PLEKHG1: variants seen among roughly 807,000 people sequenced by gnomAD.
PLEKHG1 encodes the protein pleckstrin homology domain-containing family G member 1.
In PLEKHG1, 44 loss-of-function variants were observed where a neutral mutation model predicts 100.8. The observed-to-expected ratio is 0.44, with a 90% confidence interval of 0.34 to 0.56. The LOEUF (loss-of-function observed/expected upper bound fraction) is 0.56, where lower values mean the gene tolerates loss of function less well. Among genes scored for constraint, PLEKHG1 ranks in the 20% least tolerant of loss-of-function variants. The pLI is 0.01. For missense variants in PLEKHG1, 1,545 were observed against 1,720.9 expected (o/e 0.90, Z 1.81); for synonymous variants, 640 against 662.5 (o/e 0.97, Z 0.52).
chr6:150,734,013 T>A, exon 2 of PLEKHG1: 1 of 1,614,104 alleles, frequency 6.2e-7, no homozygotes, highest in Non-Finnish European at 8.5e-7. Flanking sequence ...AGCCCCAAGC[T>A]CCTCTATGTG....
Position 150,728,818 on chromosome 6 carries a change from C to T in PLEKHG1, c.-98-4766C>T, listed in dbSNP as rs541409401. On this transcript the variant is annotated intron_variant, in intron 1 of 15. Transcript: ENST00000358517. ...GGCTGAGGCAGGAGAATTGCTTGAA[C>T]CCAGGAGGTGGAGGTTGCAGTGAGC... 1.5e-3 allele frequency among the ~76,000 whole-genome samples: 231 copies of T among 151,874 alleles called. No individual in the cohort carries two copies. The Middle Eastern group carries it at 0.024, about 16-fold the overall frequency.
intron 3 of PLEKHG1, among the ~76,000 whole-genome samples, chr6:150,785,327 AAAAT>A (rs1263116251): frequency 6.6e-6 from 1 of 152,210 alleles, no homozygotes; most frequent in Non-Finnish European, 1.5e-5. Flanking sequence ...ATGACTCATT[AAAAT>A]AAATACTTAG....
At chr6:150,823,396 A>G (rs569278878) in intron 13 of PLEKHG1, among the ~76,000 whole-genome samples, 44 of 152,318 alleles carry the variant, frequency 2.9e-4, no homozygotes, top group African/African-American at 1.0e-3. Flanking sequence ...TATCTTGAAC[A>G]TGAATTAGTT....
upstream of PLEKHG1, among the ~76,000 whole-genome samples, chr6:150,717,476 G>T (rs912519819): frequency 6.6e-6 from 1 of 152,084 alleles, no homozygotes. Context: ...CACCACGCCC[G>T]GCCTGGGAAG....
At position 150,603,011 on chromosome 6, in the gene PLEKHG1, G is replaced by A. The variant is rs1410265166; in HGVS notation, c.-204+2994G>A. Among the ~76,000 whole-genome samples, 10 of 146,818 alleles carry A rather than the reference G, an allele frequency of 6.8e-5. No individual in the cohort carries two copies. The South Asian group carries it at 1.3e-3, about 19-fold the overall frequency. On this transcript the variant is annotated intron_variant, in intron 1 of 3. Coordinates refer to the PLEKHG1 transcript ENST00000367326. ...CAGGAGAATGGCGTGAACCCCGGGG[G>A]GCGGAGCCTGCAGTGAGCCGAGATC...
At chr6:150,686,489 G>A (rs1233774296) in intron 3 of PLEKHG1, among the ~76,000 whole-genome samples, 1 of 152,134 alleles carries the variant, frequency 6.6e-6, no homozygotes, top group African/African-American at 2.4e-5. Flanking sequence ...CCTCCCACAC[G>A]TGGTCATTTT....
At chr6:150,626,741 C>A (rs1777528544) in intron 1 of PLEKHG1, among the ~76,000 whole-genome samples, 1 of 152,144 alleles carries the variant, frequency 6.6e-6, no homozygotes, top group African/African-American at 2.4e-5. Flanking sequence ...GTTTGAGATT[C>A]ATGAAGGACA....
At chr6:150,826,994 TCTTTCCTTC>T (rs1376117586) in intron 14 of PLEKHG1, among the ~76,000 whole-genome samples, 2 of 151,538 alleles carry the variant, frequency 1.3e-5, no homozygotes, top group African/African-American at 2.4e-5. Context: ...CCTTTCCCTT[TCTTTCCTTC>T]CTTTCCTTCC....
chr6:150,736,413 A>G, intron 2 of PLEKHG1, among the ~76,000 whole-genome samples: 1 of 152,230 alleles, frequency 6.6e-6, no homozygotes, highest in Non-Finnish European at 1.5e-5. Context: ...AGCCTTCTCT[A>G]AGTTTGCTAG....
chr6:150,751,013 G>T (rs1562486623), intron 2 of PLEKHG1, among the ~76,000 whole-genome samples: 1 of 152,124 alleles, frequency 6.6e-6, no homozygotes, highest in Admixed American at 6.5e-5. Flanking sequence ...CGTGTACAAT[G>T]TTGAGCACAA....
intron 3 of PLEKHG1, among the ~76,000 whole-genome samples, chr6:150,782,337 T>G (rs1042116532): frequency 1.3e-5 from 2 of 151,992 alleles, no homozygotes; most frequent in African/African-American, 4.8e-5. Context: ...GAGGTTACAG[T>G]GAGCCGAAAT....
At chr6:150,649,755 T>C (rs1335934523) in intron 2 of PLEKHG1, among the ~76,000 whole-genome samples, 3 of 152,200 alleles carry the variant, frequency 2.0e-5, no homozygotes, top group African/African-American at 7.2e-5. Flanking sequence ...CTCATGGCTG[T>C]AATCCCAGCA....
intron 2 of PLEKHG1, among the ~76,000 whole-genome samples, chr6:150,766,344 G>A (rs568615269): frequency 6.6e-6 from 1 of 152,300 alleles, no homozygotes; most frequent in African/African-American, 2.4e-5. Flanking sequence ...AATTTCGTTG[G>A]TGTCCTTACA....
At chr6:150,833,590 T>C (rs1462854185) in intron 15 of PLEKHG1, among the ~76,000 whole-genome samples, 1 of 152,192 alleles carries the variant, frequency 6.6e-6, no homozygotes, top group African/African-American at 2.4e-5. Context: ...TAGCTGTGAA[T>C]AAAGCCCCTG....
In PLEKHG1 at chr6:150,690,525, T is replaced by C. The variant is rs75080974; in HGVS notation, c.-99+39739T>C. Among the ~76,000 whole-genome samples the C allele has an allele frequency of 4.2e-3, 639 of 152,346 alleles. 12 individuals carry two copies. In the East Asian group the frequency reaches 0.042, roughly 10 times the overall value. ...CTCCAAATATCAAATGTAACTATAC[T>C]TCTCTAGTGCTTCTGTCCAAATAAA... On this transcript the variant is annotated intron_variant, in intron 3 of 3. Coordinates refer to the PLEKHG1 transcript ENST00000367326.
chr6:150,602,416 T>G (rs978050856), intron 1 of PLEKHG1, among the ~76,000 whole-genome samples: 1 of 152,258 alleles, frequency 6.6e-6, no homozygotes, highest in African/African-American at 2.4e-5. Context: ...GATCTAGAAT[T>G]AGCCTACTTG....
chr6:150,702,325 C>T (rs954217043), intron 3 of PLEKHG1, among the ~76,000 whole-genome samples: 1 of 152,138 alleles, frequency 6.6e-6, no homozygotes, highest in African/African-American at 2.4e-5. Flanking sequence ...CAAAAATCAG[C>T]TGGGTGTGGT....
chr6:150,777,792 G>A lies in PLEKHG1; in HGVS notation c.513-8598G>A, dbSNP rs528103182. 2.0e-4 allele frequency among the ~76,000 whole-genome samples: 31 copies of A among 151,800 alleles called. No homozygotes were observed. The East Asian group carries it at 2.3e-3, about 11-fold the overall frequency. On this transcript the variant is annotated intron_variant, in intron 3 of 15. Coordinates refer to ENST00000358517, the Ensembl canonical transcript of PLEKHG1. ...TGATGCAATCCTGGTGCACATGTGC[G>A]GTTGCACATCAGCCACACTGATGCA... is the stretch of plus-strand genomic sequence containing the variant.
chr6:150,608,302 C>T (rs1199458021), intron 1 of PLEKHG1, among the ~76,000 whole-genome samples: 1 of 152,178 alleles, frequency 6.6e-6, no homozygotes, highest in African/African-American at 2.4e-5. Context: ...AGTTCTATCA[C>T]AGCAATGACT....
Sources: allele counts gnomAD v4.1 joint callset (sites outside exome capture counted in the v4.1 genomes callset), GRCh38; gene constraint gnomAD v4.1.1; transcripts MANE v1.5; gene names NCBI Gene and HGNC (gene_info 2026-07-23, HGNC 2026-07-21).